MECOM: variants seen among roughly 807,000 people sequenced by gnomAD.
MECOM encodes the protein MDS1 and EVI1 complex locus.
In MECOM, 13 loss-of-function variants were observed where a neutral mutation model predicts 116.3. The observed-to-expected ratio is 0.11, with a 90% CI of 0.07 to 0.18. The LOEUF (loss-of-function observed/expected upper bound fraction) is 0.18, where lower values mean the gene tolerates loss of function less well. Ranked by LOEUF, MECOM falls within the 10% of genes least tolerant of loss-of-function variation. MECOM has a pLI of 1.00. For missense variants in MECOM, 1,299 were observed against 1,509.0 expected (o/e 0.86, Z 2.31); for synonymous variants, 528 against 535.2 (o/e 0.99, Z 0.19).
At chr3:169,100,305 G>C (rs1294474181) in intron 12 of MECOM, among the ~76,000 whole-genome samples, 1 of 151,696 alleles carries the variant, frequency 6.6e-6, no homozygotes, top group African/African-American at 2.4e-5. Flanking sequence ...CACCATGTTA[G>C]CCAGGCTGAT....
At chr3:169,105,046 G>A (rs1724895301) in intron 10 of MECOM, among the ~76,000 whole-genome samples, 1 of 152,102 alleles carries the variant, frequency 6.6e-6, no homozygotes. Flanking sequence ...GGAAAGGGAG[G>A]GAAAGACGAT....
chr3:169,398,508 C>A (rs1327023718), intron 1 of MECOM, among the ~76,000 whole-genome samples: 3 of 152,182 alleles, frequency 2.0e-5, no homozygotes, highest in Non-Finnish European at 4.4e-5. Context: ...AGTTCTTCAA[C>A]CTTCTTCACA....
intron 2 of MECOM, among the ~76,000 whole-genome samples, chr3:169,364,195 C>T (rs1577862963): frequency 6.6e-6 from 1 of 151,738 alleles, no homozygotes; most frequent in African/African-American, 2.4e-5. Context: ...CACAGAGTTC[C>T]AATGATTGAA....
chr3:169,248,000 G>T (rs990656643), intron 2 of MECOM, among the ~76,000 whole-genome samples: 1 of 152,116 alleles, frequency 6.6e-6, no homozygotes, highest in Admixed American at 6.5e-5. Context: ...TCTCTAAAAT[G>T]AGAATTATCA....
In MECOM at chr3:169,116,506, T is replaced by C. The variant is rs148137162; in HGVS notation, c.1366A>G (p.Met456Val). ...PGTPAMDKTS[M>V]VNMSHANPGL... The stretch of plus-strand genomic sequence containing the variant: ...GGGTTGGCATGACTCATATTAACCA[T>C]GGACGTTTTATCCATAGCTGGGGTT... Residue 456 changes from methionine to valine, a missense_variant, in exon 8 of 17, where the codon ATG becomes GTG. By Grantham distance (21) the Met-to-Val change is conservative. Transcript: ENST00000651503. 20 of 1,614,064 alleles carry C rather than the reference T, an allele frequency of 1.2e-5. No homozygotes were observed. Among genetic ancestry groups the C allele is most frequent in the Non-Finnish European group, 1.6e-5 (19 of 1,180,028 alleles).
chr3:169,238,973 T>C (rs1415495531), intron 2 of MECOM, among the ~76,000 whole-genome samples: 1 of 152,146 alleles, frequency 6.6e-6, no homozygotes, highest in Non-Finnish European at 1.5e-5. Context: ...ATGTATCACA[T>C]CTTCATCATA....
At chr3:169,347,139 T>C (rs968035185) in intron 2 of MECOM, among the ~76,000 whole-genome samples, 7 of 152,070 alleles carry the variant, frequency 4.6e-5, no homozygotes, top group Non-Finnish European at 1.0e-4. Context: ...TCTATACTAA[T>C]GTAAAAAAGA....
chr3:169,126,905 A>T (rs1289532285), intron 5 of MECOM, among the ~76,000 whole-genome samples: 1 of 152,150 alleles, frequency 6.6e-6, no homozygotes, highest in Non-Finnish European at 1.5e-5. Context: ...AGTAATTCCC[A>T]TTCTTGAGTA....
chr3:169,608,231 G>A (rs1383178668), intron 1 of MECOM, among the ~76,000 whole-genome samples: 7 of 152,204 alleles, frequency 4.6e-5, no homozygotes, highest in South Asian at 2.1e-4. Context: ...CAGGTGTGAC[G>A]TGTTTGATCG....
intron 1 of MECOM, among the ~76,000 whole-genome samples, chr3:169,652,024 C>A (rs1267948924): frequency 6.6e-6 from 1 of 151,646 alleles, no homozygotes; most frequent in African/African-American, 2.4e-5. Flanking sequence ...GTGTATAAGA[C>A]AATGAAAAAA....
intron 1 of MECOM, among the ~76,000 whole-genome samples, chr3:169,597,600 A>G (rs1767293712): frequency 6.6e-6 from 1 of 152,238 alleles, no homozygotes; most frequent in African/African-American, 2.4e-5. Context: ...TTCAAAAAAT[A>G]TAATAAGCAG....
chr3:169,521,342 G>T (rs550423563), intron 1 of MECOM, among the ~76,000 whole-genome samples: 1 of 152,164 alleles, frequency 6.6e-6, no homozygotes, highest in Non-Finnish European at 1.5e-5. Context: ...TGTCCTTTAA[G>T]AAGTGATTGG....
intron 1 of MECOM, among the ~76,000 whole-genome samples, chr3:169,388,075 G>A (rs187211840): frequency 1.3e-5 from 2 of 152,058 alleles, no homozygotes; most frequent in East Asian, 1.9e-4. Flanking sequence ...GGCTGAGAGC[G>A]GAGGATGTGT....
chr3:169,472,998 C>A (rs984999051), intron 1 of MECOM: 1 of 981,546 alleles, frequency 1.0e-6, no homozygotes, highest in Non-Finnish European at 1.2e-6. Context: ...GATACCATGC[C>A]AAATGTCAAA....
At chr3:169,147,516 A>T in intron 2 of MECOM, 1 of 985,496 alleles carries the variant, frequency 1.0e-6, no homozygotes. Flanking sequence ...TTAAAGTGAC[A>T]GCAGCCTCCT....
intron 2 of MECOM, among the ~76,000 whole-genome samples, chr3:169,274,972 C>A (rs557650495): frequency 5.3e-4 from 80 of 152,120 alleles, no homozygotes; most frequent in Non-Finnish European, 9.6e-4. Flanking sequence ...CATAAAGAAC[C>A]TTTATTCTTT....
intron 2 of MECOM, chr3:169,146,881 AT>A (rs1467822046): frequency 9.8e-7 from 1 of 1,025,198 alleles, no homozygotes; most frequent in African/African-American, 1.7e-5. Flanking sequence ...AATAATAATA[AT>A]TTTTTAAAAG....
intron 2 of MECOM, among the ~76,000 whole-genome samples, chr3:169,341,610 C>T (rs1278021547): frequency 3.3e-5 from 5 of 151,562 alleles, no homozygotes; most frequent in African/African-American, 1.2e-4. Context: ...CTTGGTGGCG[C>T]ATGCCTGTAG....
In MECOM at chr3:169,341,655, G is replaced by A. The variant is rs1724549999; in HGVS notation, c.375+39532C>T. ...CTCAGGAGGCTGAAGCAGGAGAATC[G>A]CTTGAACCTGGGAGGCGGAGGTTGC... On this transcript the variant is annotated intron_variant, in intron 2 of 16. Transcript: ENST00000651503. Among the ~76,000 whole-genome samples, 5 of 149,852 alleles carry A rather than the reference G, an allele frequency of 3.3e-5. 1 individual carries two copies. The South Asian group carries it at 1.0e-3, about 31-fold the overall frequency.
Sources: allele counts gnomAD v4.1 joint callset (sites outside exome capture counted in the v4.1 genomes callset), GRCh38; gene constraint gnomAD v4.1.1; transcripts MANE v1.5; gene names NCBI Gene and HGNC (gene_info 2026-07-23, HGNC 2026-07-21).